The following CUL3 variants were observed in gnomAD, a reference collection of about 807,000 sequenced individuals.
CUL3 encodes the protein cullin-3.
CUL3 carries 19 observed loss-of-function variants against 89.1 expected under a neutral mutation model. The observed-to-expected ratio is 0.21, with a 90% confidence interval of 0.15 to 0.31. The LOEUF (loss-of-function observed/expected upper bound fraction) is 0.31, where lower values mean the gene tolerates loss of function less well. Ranked by LOEUF, CUL3 falls within the 10% of genes least tolerant of loss-of-function variation. CUL3 has a pLI of 1.00. For missense variants in CUL3, 469 were observed against 942.3 expected (o/e 0.50, Z 6.58); for synonymous variants, 351 against 308.4 (o/e 1.14, Z -1.45).
At chr2:224,480,798 T>C (rs1316127056) in intron 14 of CUL3, among the ~76,000 whole-genome samples, 2 of 152,172 alleles carry the variant, frequency 1.3e-5, no homozygotes, top group Non-Finnish European at 2.9e-5. Context: ...ATGTCTTGCA[T>C]TGGAAGAAAA....
chr2:224,484,406 T>G (rs1691643386), intron 13 of CUL3, among the ~76,000 whole-genome samples: 2 of 152,176 alleles, frequency 1.3e-5, no homozygotes, highest in African/African-American at 4.8e-5. Flanking sequence ...TAATCTTCTA[T>G]GCTTTCTCTA....
Position 224,511,412 on chromosome 2 carries a change from A to G in CUL3, c.825T>C (p.Thr275=), listed in dbSNP as rs1166057535. 2 of 1,613,890 alleles carry G rather than the reference A, an allele frequency of 1.2e-6. No homozygotes were observed. Among genetic ancestry groups the G allele is most frequent in the Non-Finnish European group, 1.7e-6 (2 of 1,179,890 alleles). Residue 275 remains threonine, a synonymous_variant, in exon 6 of 16, where the codon ACT becomes ACC. Coordinates refer to ENST00000264414, the MANE Select transcript of CUL3 (RefSeq NM_003590.5). ...ERELISKHMK[T]IVEMENSGLV... ...GCCCAGAATTCTCCATTTCTACTAT[A>G]GTCTTCATGTGCTTGGAAATGAGTT...
chr2:224,509,307 C>T (rs1185639829), intron 6 of CUL3, among the ~76,000 whole-genome samples: 1 of 152,172 alleles, frequency 6.6e-6, no homozygotes, highest in Admixed American at 6.5e-5. Context: ...TTGACCTCCC[C>T]AGCCAGATTC....
At chr2:224,476,869 T>A (rs957061127) in intron 15 of CUL3, among the ~76,000 whole-genome samples, 3 of 152,108 alleles carry the variant, frequency 2.0e-5, no homozygotes, top group Admixed American at 2.0e-4. Context: ...CTACACTGAA[T>A]CCTCTAATAC....
intron 5 of CUL3, among the ~76,000 whole-genome samples, chr2:224,512,135 A>G (rs11676311): frequency 0.25 from 37,355 of 150,686 alleles, 5,335 homozygotes; most frequent in Middle Eastern, 0.37. Flanking sequence ...TCGCTCTGTC[A>G]CCCAGGCTAG....
intron 3 of CUL3, among the ~76,000 whole-genome samples, chr2:224,522,759 C>T (rs1254248902): frequency 6.6e-5 from 10 of 150,486 alleles, no homozygotes; most frequent in Non-Finnish European, 1.5e-4. Context: ...ACCCGGGAGG[C>T]GGAGCTTGCA....
intron 3 of CUL3, 61 bp downstream of exon 3, chr2:224,535,467 G>A: frequency 1.8e-6 from 2 of 1,131,254 alleles, no homozygotes; most frequent in East Asian, 2.7e-5. Flanking sequence ...ACCGTGCCCA[G>A]CCTTCAACTT....
chr2:224,531,892 C>G (rs1028550766), intron 3 of CUL3, among the ~76,000 whole-genome samples: 1 of 151,956 alleles, frequency 6.6e-6, no homozygotes, highest in Admixed American at 6.6e-5. Context: ...AGAGAAGAGC[C>G]CAGTGAACAC....
intron 3 of CUL3, among the ~76,000 whole-genome samples, chr2:224,532,021 G>T (rs935582957): frequency 6.6e-6 from 1 of 152,172 alleles, no homozygotes; most frequent in Non-Finnish European, 1.5e-5. Flanking sequence ...GAGAAAAAAA[G>T]AACTTATAAG....
intron 13 of CUL3, among the ~76,000 whole-genome samples, chr2:224,493,323 G>A (rs191372819): frequency 6.6e-6 from 1 of 152,066 alleles, no homozygotes; most frequent in Non-Finnish European, 1.5e-5. Context: ...CTAATTTGTG[G>A]AGGTGATTTC....
chr2:224,561,936 A>G (rs1574698554), intron 1 of CUL3, among the ~76,000 whole-genome samples: 1 of 152,230 alleles, frequency 6.6e-6, no homozygotes, highest in African/African-American at 2.4e-5. Context: ...CAATTTCAAA[A>G]AAGAGAAAAG....
intron 3 of CUL3, among the ~76,000 whole-genome samples, chr2:224,518,585 G>T (rs1021918000): frequency 3.3e-5 from 5 of 152,118 alleles, no homozygotes; most frequent in Non-Finnish European, 5.9e-5. Context: ...CTAATAGTAA[G>T]AATAATATTT....
At chr2:224,542,250 G>A (rs932880567) in intron 2 of CUL3, among the ~76,000 whole-genome samples, 3 of 152,148 alleles carry the variant, frequency 2.0e-5, no homozygotes, top group Admixed American at 6.5e-5. Flanking sequence ...CTTTGTTTCT[G>A]TGGATATAGC....
intron 2 of CUL3, among the ~76,000 whole-genome samples, chr2:224,545,202 T>G (rs1238938548): frequency 6.6e-6 from 1 of 152,202 alleles, no homozygotes; most frequent in Non-Finnish European, 1.5e-5. Context: ...AAGAATTAAC[T>G]AATGATGAGA....
At chr2:224,490,461 G>A (rs897314861) in intron 13 of CUL3, among the ~76,000 whole-genome samples, 4 of 151,672 alleles carry the variant, frequency 2.6e-5, no homozygotes, top group African/African-American at 9.7e-5. Flanking sequence ...CAATAACAGC[G>A]CAGCCAGGCA....
chr2:224,515,521 A>G (rs1454853599), intron 3 of CUL3, among the ~76,000 whole-genome samples: 1 of 152,166 alleles, frequency 6.6e-6, no homozygotes, highest in African/African-American at 2.4e-5. Context: ...TGAGCCTTCT[A>G]AAATTATTAA....
intron 11 of CUL3, 148 bp downstream of exon 11, chr2:224,500,215 T>C: frequency 1.2e-6 from 1 of 843,912 alleles, no homozygotes; most frequent in Non-Finnish European, 1.8e-6. Flanking sequence ...AGGGGGAAAT[T>C]GCTGTATGCC....
intron 14 of CUL3, 69 bp from the exon 15 acceptor site, chr2:224,478,414 T>C (rs1008245841): frequency 6.8e-7 from 1 of 1,462,942 alleles, no homozygotes; most frequent in African/African-American, 1.4e-5. Context: ...AAGCTTATTA[T>C]AATTCAATGT....
chr2:224,556,814 T>C (rs1694724446), intron 2 of CUL3, among the ~76,000 whole-genome samples: 1 of 152,032 alleles, frequency 6.6e-6, no homozygotes, highest in Non-Finnish European at 1.5e-5. Flanking sequence ...AATAATAATA[T>C]TGGTAACAGT....
Sources: allele counts gnomAD v4.1 joint callset (sites outside exome capture counted in the v4.1 genomes callset), GRCh38; gene constraint gnomAD v4.1.1; transcripts MANE v1.5; gene names NCBI Gene and HGNC (gene_info 2026-07-23, HGNC 2026-07-21).